Variants in NRXN1 observed in about 807,000 individuals in gnomAD.
NRXN1 encodes the protein neurexin-1.
Under a neutral mutation model 150.9 loss-of-function variants are expected in NRXN1, and 39 were observed. The ratio of observed to expected loss-of-function variants is 0.26; its 90% CI spans 0.20 to 0.34. The LOEUF (loss-of-function observed/expected upper bound fraction) is 0.34. Ranked by LOEUF, NRXN1 falls within the 10% of genes least tolerant of loss-of-function variation. The pLI is 1.00. For synonymous variants in NRXN1, 924 were observed against 757.0 expected (o/e 1.22, Z -3.62); for missense variants, 1,815 against 1,949.9 (o/e 0.93, Z 1.30).
At chr2:50,280,319 C>G (rs2071258413) in intron 17 of NRXN1, among the ~76,000 whole-genome samples, 1 of 150,690 alleles carries the variant, frequency 6.6e-6, no homozygotes, top group Non-Finnish European at 1.5e-5. Context: ...GTCAACTATT[C>G]ACTTTAAAAA....
intron 17 of NRXN1, among the ~76,000 whole-genome samples, chr2:50,379,226 C>T (rs1193325050): frequency 6.6e-6 from 1 of 152,150 alleles, no homozygotes; most frequent in African/African-American, 2.4e-5. Context: ...AACTGACCAA[C>T]TGACTCTTTG....
intron 19 of NRXN1, among the ~76,000 whole-genome samples, chr2:50,084,345 C>T (rs1398778240): frequency 6.6e-6 from 1 of 152,168 alleles, no homozygotes; most frequent in African/African-American, 2.4e-5. Flanking sequence ...AGGTTCCGAG[C>T]CCTGCCCCGC....
chr2:50,667,736 C>T (rs1374564850), intron 5 of NRXN1, among the ~76,000 whole-genome samples: 2 of 151,798 alleles, frequency 1.3e-5, no homozygotes, highest in Non-Finnish European at 1.5e-5. Context: ...TTATCTTTAC[C>T]ACCTATATGT....
intron 12 of NRXN1, among the ~76,000 whole-genome samples, chr2:50,507,909 C>G (rs2092306277): frequency 6.6e-6 from 1 of 150,470 alleles, no homozygotes. Context: ...TTTGTTTAAC[C>G]AAATTCTGCC....
intron 2 of NRXN1, among the ~76,000 whole-genome samples, chr2:50,999,805 C>T (rs1254299825): frequency 6.6e-6 from 1 of 151,942 alleles, no homozygotes; most frequent in East Asian, 1.9e-4. Context: ...TATGTGCTAA[C>T]ATTAACCAGT....
Position 50,246,787 on chromosome 2 carries a change from G to A in NRXN1, c.3365-9817C>T, listed in dbSNP as rs114417890. 9.8e-4 allele frequency among the ~76,000 whole-genome samples: 149 copies of A among 151,888 alleles called. 2 individuals carry two copies. The East Asian group carries it at 0.025, about 25-fold the overall frequency. On this transcript the variant is annotated intron_variant, in intron 17 of 22. Coordinates refer to ENST00000401669, the MANE Select transcript of NRXN1 (RefSeq NM_001330078.2). ...TTCATTCCAGCCAAGGTTAATTCTC[G>A]CCTTTCAACATCCACTAACTTATTT...
intron 5 of NRXN1, among the ~76,000 whole-genome samples, chr2:50,777,158 G>A (rs543238997): frequency 6.6e-6 from 1 of 152,192 alleles, no homozygotes; most frequent in African/African-American, 2.4e-5. Flanking sequence ...ACAGAGAGTA[G>A]AAACCGAGCT....
intron 17 of NRXN1, among the ~76,000 whole-genome samples, chr2:50,441,165 G>T (rs1171640971): frequency 6.6e-6 from 1 of 152,070 alleles, no homozygotes; most frequent in African/African-American, 2.4e-5. Context: ...AAGGAATCTA[G>T]GGAATTTAAG....
intron 18 of NRXN1, among the ~76,000 whole-genome samples, chr2:50,183,275 G>A (rs1345438843): frequency 2.6e-5 from 4 of 152,028 alleles, no homozygotes; most frequent in Admixed American, 2.6e-4. Context: ...GGCATCTGAG[G>A]TTTGAAAGTT....
intron 18 of NRXN1, among the ~76,000 whole-genome samples, chr2:50,121,436 T>C (rs1703845876): frequency 6.6e-6 from 1 of 152,228 alleles, no homozygotes; most frequent in Non-Finnish European, 1.5e-5. Flanking sequence ...ATCACACAGC[T>C]AGTCAGTGGT....
intron 18 of NRXN1, among the ~76,000 whole-genome samples, chr2:50,145,091 G>C (rs145120826): frequency 1.3e-5 from 2 of 151,462 alleles, no homozygotes; most frequent in Non-Finnish European, 3.0e-5. Flanking sequence ...GAAGAAAATA[G>C]TATAAAAGCA....
intron 6 of NRXN1, among the ~76,000 whole-genome samples, chr2:50,622,835 C>T (rs1345285247): frequency 6.6e-6 from 1 of 152,124 alleles, no homozygotes; most frequent in African/African-American, 2.4e-5. Flanking sequence ...TTTTTCCCCT[C>T]AGGGACTTCT....
intron 15 of NRXN1, among the ~76,000 whole-genome samples, chr2:50,476,941 A>T (rs1408770358): frequency 6.6e-6 from 1 of 152,196 alleles, no homozygotes; most frequent in Non-Finnish European, 1.5e-5. Context: ...GTTCCAGACT[A>T]AACATGCCTT....
At chr2:49,976,967 C>T (rs1219860453) in intron 21 of NRXN1, among the ~76,000 whole-genome samples, 5 of 152,194 alleles carry the variant, frequency 3.3e-5, no homozygotes, top group Admixed American at 3.3e-4. Flanking sequence ...GTATTGTTCA[C>T]TGCTGCTTCA....
intron 17 of NRXN1, among the ~76,000 whole-genome samples, chr2:50,428,026 A>G (rs558555960): frequency 1.3e-5 from 2 of 152,272 alleles, no homozygotes; most frequent in South Asian, 2.1e-4. Context: ...CCTCTTCTTT[A>G]TAGGCAATCT....
chr2:50,375,913 C>A (rs749144008), intron 17 of NRXN1, among the ~76,000 whole-genome samples: 16 of 151,822 alleles, frequency 1.1e-4, no homozygotes, highest in Non-Finnish European at 1.6e-4. Flanking sequence ...ACAACCCCTT[C>A]ACAGATAATA....
chr2:50,765,858 C>T (rs1447360120), intron 5 of NRXN1, among the ~76,000 whole-genome samples: 2 of 151,988 alleles, frequency 1.3e-5, no homozygotes, highest in Non-Finnish European at 2.9e-5. Context: ...TGGAAAGATA[C>T]AGGTGGAAGA....
At chr2:50,167,791 T>C (rs10208371) in intron 18 of NRXN1, among the ~76,000 whole-genome samples, 2,832 of 152,230 alleles carry the variant, frequency 0.019, 87 homozygotes, top group African/African-American at 0.063. Flanking sequence ...TGGAGTTCAG[T>C]TTGTTTATTG....
At chr2:51,007,402 T>C (rs1667190894) in intron 2 of NRXN1, among the ~76,000 whole-genome samples, 1 of 151,938 alleles carries the variant, frequency 6.6e-6, no homozygotes, top group Non-Finnish European at 1.5e-5. Flanking sequence ...GGTGATACAA[T>C]ATAGAAACTA....
Sources: gnomAD v4.1 joint callset for allele counts (sites outside exome capture counted in the v4.1 genomes callset) on GRCh38, gnomAD v4.1.1 for gene constraint, MANE v1.5 for transcripts, NCBI Gene and HGNC (gene_info 2026-07-23, HGNC 2026-07-21) for gene names.